The following ANAPC1 variants were observed in gnomAD, a reference collection of about 807,000 sequenced individuals.
ANAPC1 encodes the protein anaphase-promoting complex subunit 1.
In ANAPC1, 36 loss-of-function variants were observed where a neutral mutation model predicts 208.0. The observed-to-expected ratio is 0.17, with a 90% CI of 0.13 to 0.23. The LOEUF (loss-of-function observed/expected upper bound fraction) is 0.23, where lower values mean the gene tolerates loss of function less well. Ranked by LOEUF, ANAPC1 falls within the 10% of genes least tolerant of loss-of-function variation. The pLI, the probability that ANAPC1 is intolerant of heterozygous loss-of-function variation, is 1.00. For synonymous variants in ANAPC1, 378 were observed against 695.2 expected (o/e 0.54, Z 7.18); for missense variants, 942 against 2,011.6 (o/e 0.47, Z 10.17).
chr2:111,816,197 G>A (rs1182609713), intron 27 of ANAPC1, among the ~76,000 whole-genome samples: 3 of 150,452 alleles, frequency 2.0e-5, no homozygotes, highest in African/African-American at 4.9e-5. Context: ...CTGGGAGGCA[G>A]AGGTTGCAGT....
rs1050515729 is a variant in ANAPC1, at chr2:111,788,144, G to A, written c.4799+90C>T. 3.9e-5 allele frequency: 60 copies of A among 1,525,540 alleles called. No homozygotes were observed. In the East Asian group the frequency reaches 1.4e-3, roughly 37 times the overall value. 94.5% of individuals were successfully genotyped at this position (1,525,540 alleles called of 1,614,324 possible). A position where few individuals can be genotyped will look rare whatever the true frequency, so the allele number is the denominator to read the frequency against. On this transcript the variant is annotated intron_variant, in intron 39 of 47. Coordinates refer to ENST00000341068, the MANE Select transcript of ANAPC1 (RefSeq NM_022662.4). ...TGGAGAACAAAACAATGCTAATTTGGAAATAATTCCATGAAACCAAAATAC... is the reference window on the plus strand; with the variant it reads ...TGGAGAACAAAACAATGCTAATTTGAAAATAATTCCATGAAACCAAAATAC...
chr2:111,821,782 A>G, intron 25 of ANAPC1: 1 of 316,118 alleles, frequency 3.2e-6, no homozygotes, highest in East Asian at 7.5e-5. Flanking sequence ...ATAATTGGAG[A>G]GTAATGAAAT....
At chr2:111,794,953 T>C (rs1379784746) in intron 34 of ANAPC1, 59 bp from the exon 35 acceptor site, 1 of 1,097,436 alleles carries the variant, frequency 9.1e-7, no homozygotes, top group African/African-American at 1.6e-5. Context: ...AAATATTTAA[T>C]AATCTGAAGA....
At chr2:111,869,528 G>A (rs1214106958) in intron 6 of ANAPC1, among the ~76,000 whole-genome samples, 2 of 152,170 alleles carry the variant, frequency 1.3e-5, no homozygotes, top group Non-Finnish European at 2.9e-5. Flanking sequence ...TTACAGACGT[G>A]GGCCACCGCG....
At chr2:111,799,459 T>C (rs1167703341) in intron 34 of ANAPC1, among the ~76,000 whole-genome samples, 4 of 152,120 alleles carry the variant, frequency 2.6e-5, no homozygotes, top group African/African-American at 9.7e-5. Context: ...CTAATAGGAT[T>C]GCAAATGGAA....
chr2:111,808,254 C>T (rs892046979), intron 29 of ANAPC1, among the ~76,000 whole-genome samples: 1 of 152,024 alleles, frequency 6.6e-6, no homozygotes, highest in Non-Finnish European at 1.5e-5. Flanking sequence ...ACATCTTTAA[C>T]AATATATTCA....
chr2:111,781,059 T>C (rs1325472529), intron 43 of ANAPC1, among the ~76,000 whole-genome samples: 2 of 150,418 alleles, frequency 1.3e-5, no homozygotes, highest in Non-Finnish European at 3.0e-5. Flanking sequence ...TTGCAATGGT[T>C]AAGACAATAA....
intron 43 of ANAPC1, among the ~76,000 whole-genome samples, chr2:111,781,754 G>A: frequency 6.6e-6 from 1 of 152,264 alleles, no homozygotes; most frequent in African/African-American, 2.4e-5. Flanking sequence ...AATTTCTTGT[G>A]TTGGAAACTT....
intron 13 of ANAPC1, chr2:111,856,353 A>T: frequency 3.1e-6 from 1 of 322,464 alleles, no homozygotes; most frequent in Admixed American, 4.6e-5. Flanking sequence ...AAAAAAAAAA[A>T]TCTACCTATA....
chr2:111,799,456 G>C (rs1678333473), intron 34 of ANAPC1, among the ~76,000 whole-genome samples: 1 of 152,040 alleles, frequency 6.6e-6, no homozygotes, highest in African/African-American at 2.4e-5. Context: ...TACCTAATAG[G>C]ATTGCAAATG....
At chr2:111,767,211 A>G (rs1676493641), downstream of ANAPC1, among the ~76,000 whole-genome samples, 1 of 150,542 alleles carries the variant, frequency 6.6e-6, no homozygotes, top group African/African-American at 2.5e-5. Flanking sequence ...CTCTCCTCCC[A>G]GTCCTGGGCA....
intron 16 of ANAPC1, 137 bp downstream of exon 16, chr2:111,847,001 A>T: frequency 1.5e-6 from 1 of 673,924 alleles, no homozygotes; most frequent in Non-Finnish European, 2.6e-6. Context: ...AGCACTCCCT[A>T]GCTCTTTAAA....
chr2:111,789,236 T>C (rs1677745133), intron 38 of ANAPC1, among the ~76,000 whole-genome samples: 1 of 151,040 alleles, frequency 6.6e-6, no homozygotes, highest in African/African-American at 2.5e-5. Flanking sequence ...TAAAGTTTCA[T>C]AGACTTTTAA....
chr2:111,843,631 T>A, intron 16 of ANAPC1, 32 bp from the exon 17 acceptor site: 5 of 1,548,664 alleles, frequency 3.2e-6, no homozygotes, highest in Non-Finnish European at 4.4e-6. Context: ...TTTAGTATTC[T>A]TACTCTGCAT....
chr2:111,838,382 G>A, intron 18 of ANAPC1, 56 bp downstream of exon 18: 1 of 1,390,558 alleles, frequency 7.2e-7, no homozygotes, highest in Non-Finnish European at 9.8e-7. Flanking sequence ...AGAAGTGGAA[G>A]AATAGTATGA....
rs1249548681 is a variant in ANAPC1 at position 111,843,579 on chromosome 2, T to G, written c.1873A>C (p.Ile625Leu). 1 of 1,611,674 alleles carries G rather than the reference T, an allele frequency of 6.2e-7. No homozygotes were observed. Among genetic ancestry groups the G allele is most frequent in the South Asian group, 1.1e-5 (1 of 90,920 alleles). ...SELVQTCLQA[I>L]KFILPKEIAV... ...ATTTCTTTTGGCAGGATAAACTTAATTGCTTGCAAACACGTTTGTACTATT... is the reference window on the plus strand; with the variant it reads ...ATTTCTTTTGGCAGGATAAACTTAAGTGCTTGCAAACACGTTTGTACTATT... Residue 625 changes from isoleucine to leucine, a missense_variant, in exon 17 of 48, where the codon ATT (isoleucine) becomes CTT (leucine). Ile to Leu is a conservative substitution (Grantham distance 5, BLOSUM62 2). Transcript: ENST00000341068.
rs936068593 is a variant in ANAPC1 at position 111,883,924 on chromosome 2, G to A, written c.-25+18C>T. 1 of 152,428 alleles carries A rather than the reference G, an allele frequency of 6.6e-6. No homozygotes were observed. The highest frequency in any genetic ancestry group is 1.9e-4 in the East Asian group (1 of 5,182). 9.4% of individuals were successfully genotyped at this position (152,428 alleles called of 1,614,324 possible). On this transcript the variant is annotated intron_variant, in intron 1 of 47. Transcript: ENST00000341068. Reference sequence around the variant, plus strand: ...GGCGCGCGACAGACCACCAAGTGCTGCGGTACGGCGCCCGCACCTGTATAA... The same window carrying A: ...GGCGCGCGACAGACCACCAAGTGCTACGGTACGGCGCCCGCACCTGTATAA...
intron 19 of ANAPC1, among the ~76,000 whole-genome samples, chr2:111,833,524 A>C (rs1414901368): frequency 6.6e-6 from 1 of 152,034 alleles, no homozygotes; most frequent in Non-Finnish European, 1.5e-5. Flanking sequence ...TGGAAGTAAA[A>C]CTACAGTAAA....
intron 13 of ANAPC1, among the ~76,000 whole-genome samples, chr2:111,852,104 C>T (rs1681434679): frequency 6.7e-6 from 1 of 149,732 alleles, no homozygotes; most frequent in Non-Finnish European, 1.5e-5. Flanking sequence ...TATCTCAAAC[C>T]CCTAATTTAC....
Sources: allele counts gnomAD v4.1 joint callset (sites outside exome capture counted in the v4.1 genomes callset), GRCh38; gene constraint gnomAD v4.1.1; transcripts MANE v1.5; gene names NCBI Gene and HGNC (gene_info 2026-07-23, HGNC 2026-07-21).